AHI1: variants seen among roughly 807,000 people sequenced by gnomAD.
AHI1 encodes the protein jouberin.
Under a neutral mutation model 149.3 loss-of-function variants are expected in AHI1, and 123 were observed. The ratio of observed to expected loss-of-function variants is 0.82; its 90% CI spans 0.71 to 0.96. The LOEUF (loss-of-function observed/expected upper bound fraction) is 0.96. Among genes scored for constraint, AHI1 ranks in the 40% least tolerant of loss-of-function variants. The pLI, the probability that AHI1 is intolerant of heterozygous loss-of-function variation, is 0.00. For synonymous variants in AHI1, 475 were observed against 459.8 expected, an observed-to-expected ratio of 1.03 and a Z score of -0.42; for missense variants, 1,439 against 1,422.7, an observed-to-expected ratio of 1.01 and a Z score of -0.18.
At chr6:135,319,637 A>G (rs1250906154) in intron 25 of AHI1, among the ~76,000 whole-genome samples, 2 of 152,222 alleles carry the variant, frequency 1.3e-5, no homozygotes, top group Admixed American at 6.5e-5. Flanking sequence ...GAATCTAAAG[A>G]GCTATGTGCA....
At chr6:135,318,671 G>T in intron 25 of AHI1, 55 bp from the exon 26 acceptor site, 1 of 1,122,906 alleles carries the variant, frequency 8.9e-7, no homozygotes, top group Non-Finnish European at 1.3e-6. Context: ...TGCTCCATGG[G>T]GGAAAAACAA....
intron 15 of AHI1, chr6:135,435,371 T>A (rs1005911671): frequency 2.0e-5 from 3 of 152,218 alleles, no homozygotes; most frequent in African/African-American, 7.2e-5. Flanking sequence ...GAATTTGGGC[T>A]GGATTTTAAA....
intron 26 of AHI1, among the ~76,000 whole-genome samples, chr6:135,310,265 T>C (rs929717613): frequency 1.4e-5 from 1 of 73,878 alleles, no homozygotes; most frequent in East Asian, 3.2e-4. Flanking sequence ...TATAAAGTGA[T>C]ATTTGAAAAG....
chr6:135,351,639 T>C (rs899170353), intron 24 of AHI1, among the ~76,000 whole-genome samples: 1 of 152,220 alleles, frequency 6.6e-6, no homozygotes, highest in Admixed American at 6.5e-5. Flanking sequence ...GAGTGAGTAC[T>C]GGGACAAACT....
At position 135,362,657 on chromosome 6, in the gene AHI1, T is replaced by C. The variant is rs1365565192; in HGVS notation, c.3110-4470A>G. On this transcript the variant is annotated intron_variant, in intron 23 of 28. Coordinates refer to ENST00000265602, the MANE Select transcript of AHI1 (RefSeq NM_001134831.2). Reference sequence around the variant, plus strand: ...CATATGCTTGTTGGCCATTTGTATATCTTCTTTTGACAACTGTCAATTGTC... The same window carrying C: ...CATATGCTTGTTGGCCATTTGTATACCTTCTTTTGACAACTGTCAATTGTC... Among the ~76,000 whole-genome samples the C allele has an allele frequency of 3.3e-5, 5 of 152,328 alleles. No individual in the cohort carries two copies. The East Asian group carries it at 9.7e-4, about 29-fold the overall frequency.
chr6:135,366,827 G>A (rs1774258587), intron 23 of AHI1, among the ~76,000 whole-genome samples: 1 of 151,950 alleles, frequency 6.6e-6, no homozygotes, highest in African/African-American at 2.4e-5. Context: ...CTGGGTTTGG[G>A]TTTGGTTTGT....
intron 13 of AHI1, among the ~76,000 whole-genome samples, 181 bp from the exon 14 acceptor site, chr6:135,442,895 T>C (rs1562782043): frequency 6.6e-6 from 1 of 152,200 alleles, no homozygotes; most frequent in South Asian, 2.1e-4. Flanking sequence ...TCAGTGTCCA[T>C]GAAATTTTTA....
At chr6:135,393,608 T>C (rs1014525445) in intron 23 of AHI1, among the ~76,000 whole-genome samples, 3 of 152,140 alleles carry the variant, frequency 2.0e-5, no homozygotes, top group Admixed American at 6.6e-5. Flanking sequence ...TTCTGGCAGA[T>C]ATCTGGAACA....
rs927158679 is a variant in AHI1, at chr6:135,404,990, C to T, written c.2962-13G>A. The T allele has an allele frequency of 6.9e-6, 11 of 1,597,174 alleles. No homozygotes were observed. Among genetic ancestry groups the T allele is most frequent in the Middle Eastern group, 1.7e-4 (1 of 5,886 alleles). On this transcript the variant is annotated splice_polypyrimidine_tract_variant and intron_variant, in intron 21 of 28. Transcript: ENST00000265602. ...AACGTATCACCTCCTAAAAGAAATA[C>T]AATAAAATAAGGAAGTATTCATAAT... is the stretch of plus-strand genomic sequence containing the variant.
chr6:135,388,638 G>C (rs926319244), intron 23 of AHI1, among the ~76,000 whole-genome samples: 8 of 152,090 alleles, frequency 5.3e-5, no homozygotes, highest in South Asian at 2.1e-4. Context: ...AATTTAACTG[G>C]AACAATGACT....
chr6:135,468,423 G>C (rs1305761555), intron 5 of AHI1, among the ~76,000 whole-genome samples: 1 of 152,064 alleles, frequency 6.6e-6, no homozygotes, highest in Non-Finnish European at 1.5e-5. Flanking sequence ...AATCAATGAG[G>C]CTGGGCATGG....
intron 23 of AHI1, among the ~76,000 whole-genome samples, chr6:135,379,827 G>A (rs1562621210): frequency 6.6e-6 from 1 of 151,952 alleles, no homozygotes; most frequent in Non-Finnish European, 1.5e-5. Flanking sequence ...TCTTGGATGG[G>A]GATGCTATTC....
At chr6:135,424,111 A>G (rs1388535243) in intron 20 of AHI1, among the ~76,000 whole-genome samples, 1 of 152,062 alleles carries the variant, frequency 6.6e-6, no homozygotes, top group Non-Finnish European at 1.5e-5. Context: ...ACAAGGTTTG[A>G]TTATTAGACA....
chr6:135,447,609 G>A (rs1228453863), intron 12 of AHI1, among the ~76,000 whole-genome samples: 1 of 152,132 alleles, frequency 6.6e-6, no homozygotes, highest in Non-Finnish European at 1.5e-5. Context: ...TGTGGTGACA[G>A]TACATATCAG....
Position 135,492,782 on chromosome 6 carries a change from A to C in AHI1, c.-54-491T>G, listed in dbSNP as rs17064595. On this transcript the variant is annotated intron_variant, in intron 3 of 28. Coordinates refer to ENST00000265602, the MANE Select transcript of AHI1 (RefSeq NM_001134831.2). ...TACAATAGAGAAGGATAGTACAAATATTTGCACCATCTTTCTTTAATAAAA... is the reference window on the plus strand; with the variant it reads ...TACAATAGAGAAGGATAGTACAAATCTTTGCACCATCTTTCTTTAATAAAA... The C allele has an allele frequency of 3.0e-3, 2,946 of 985,302 alleles. 74 individuals carry two copies. The African/African-American group carries it at 0.048, about 16-fold the overall frequency. 61.0% of individuals were successfully genotyped at this position (985,302 alleles called of 1,614,324 possible).
Position 135,448,948 on chromosome 6 carries a change from A to G in AHI1, c.1441-473T>C, listed in dbSNP as rs542078348. 2.6e-5 allele frequency among the ~76,000 whole-genome samples: 4 copies of G among 152,316 alleles called. No individual in the cohort carries two copies. In the South Asian group the frequency reaches 8.3e-4, roughly 32 times the overall value. On this transcript the variant is annotated intron_variant, in intron 11 of 28. Coordinates refer to ENST00000265602, the MANE Select transcript of AHI1 (RefSeq NM_001134831.2). ...CAAGATAATTAAACTCATTCAAGCC[A>G]TTCGTTACATTTTTTTCAGTATTTT...
intron 26 of AHI1, among the ~76,000 whole-genome samples, chr6:135,312,919 TA>T (rs879845003): frequency 2.2e-4 from 33 of 152,054 alleles, no homozygotes; most frequent in African/African-American, 7.7e-4. Context: ...TGTTCTTTCT[TA>T]AAAAAAAGTG....
At chr6:135,478,791 C>T (rs868047905) in intron 5 of AHI1, among the ~76,000 whole-genome samples, 2 of 152,214 alleles carry the variant, frequency 1.3e-5, no homozygotes, top group African/African-American at 4.8e-5. Context: ...GCAGCCCTTC[C>T]TATCACAGGC....
intron 14 of AHI1, among the ~76,000 whole-genome samples, chr6:135,442,364 T>A (rs1470968949): frequency 3.3e-5 from 5 of 152,122 alleles, no homozygotes; most frequent in African/African-American, 1.2e-4. Flanking sequence ...AAATTTACCA[T>A]CTTTCATTTG....
Sources: allele counts gnomAD v4.1 joint callset (sites outside exome capture counted in the v4.1 genomes callset), GRCh38; gene constraint gnomAD v4.1.1; transcripts MANE v1.5; gene names NCBI Gene and HGNC (gene_info 2026-07-23, HGNC 2026-07-21).